The following GLIS1 variants were observed in gnomAD, a reference collection of about 807,000 sequenced individuals.
GLIS1 encodes the protein zinc finger protein GLIS1.
GLIS1 carries 24 observed loss-of-function variants against 63.8 expected under a neutral mutation model. That is an observed-to-expected ratio of 0.38 (90% CI 0.27 to 0.53). The LOEUF (loss-of-function observed/expected upper bound fraction) is 0.53, where lower values mean the gene tolerates loss of function less well. GLIS1 is among the 20% of genes least tolerant of loss of function. The probability of loss-of-function intolerance (pLI) is 0.85; values close to 1 mark genes in which losing one functional copy is unlikely to be tolerated. For missense variants in GLIS1, 1,036 were observed against 1,074.1 expected (o/e 0.96, Z 0.50); for synonymous variants, 450 against 482.5 (o/e 0.93, Z 0.88).
At chr1:53,599,546 C>A (rs1389175568) in intron 3 of GLIS1, among the ~76,000 whole-genome samples, 1 of 152,252 alleles carries the variant, frequency 6.6e-6, no homozygotes, top group East Asian at 1.9e-4. Flanking sequence ...GCCAGGTATT[C>A]TGTCAATATG....
intron 2 of GLIS1, among the ~76,000 whole-genome samples, chr1:53,623,337 A>G (rs1645565012): frequency 6.6e-6 from 1 of 152,240 alleles, no homozygotes; most frequent in Non-Finnish European, 1.5e-5. Context: ...CAGAAAAAGT[A>G]GTACCCACTG....
chr1:53,731,415 C>T (rs933619565), intron 2 of GLIS1, among the ~76,000 whole-genome samples: 2 of 152,210 alleles, frequency 1.3e-5, no homozygotes, highest in Non-Finnish European at 2.9e-5. Context: ...CCTGCAGCCT[C>T]CTGCTGCCTT....
At chr1:53,626,703 C>T (rs1645597779) in intron 2 of GLIS1, among the ~76,000 whole-genome samples, 1 of 152,222 alleles carries the variant, frequency 6.6e-6, no homozygotes, top group African/African-American at 2.4e-5. Context: ...TGCATGAATC[C>T]TGTGAGGCCC....
intron 2 of GLIS1, among the ~76,000 whole-genome samples, chr1:53,653,596 CT>C (rs1645932092): frequency 1.3e-5 from 2 of 152,228 alleles, no homozygotes; most frequent in Non-Finnish European, 2.9e-5. Flanking sequence ...CCTCTTCTTT[CT>C]TTCCTTCCCT....
chr1:53,604,613 T>C (rs1645350786), intron 2 of GLIS1, among the ~76,000 whole-genome samples: 4 of 152,178 alleles, frequency 2.6e-5, no homozygotes, highest in Admixed American at 2.0e-4. Flanking sequence ...CTTTATTGTC[T>C]ATCAGGCACT....
intron 5 of GLIS1, among the ~76,000 whole-genome samples, chr1:53,528,135 G>A (rs968201184): frequency 4.6e-5 from 7 of 152,186 alleles, no homozygotes; most frequent in Non-Finnish European, 7.3e-5. Flanking sequence ...CCTGGGCCAG[G>A]GTGCCACGGG....
chr1:53,688,031 T>C (rs1314931339), intron 2 of GLIS1, among the ~76,000 whole-genome samples: 2 of 150,790 alleles, frequency 1.3e-5, no homozygotes, highest in African/African-American at 4.8e-5. Context: ...ATCACCGTGC[T>C]GTGCTGTCGA....
chr1:53,669,527 G>A (rs907746127), intron 2 of GLIS1, among the ~76,000 whole-genome samples: 2 of 152,176 alleles, frequency 1.3e-5, no homozygotes, highest in South Asian at 4.1e-4. Context: ...ACCAAAGCTG[G>A]GTCAGACACT....
At chr1:53,546,485 G>A (rs957948838) in intron 4 of GLIS1, among the ~76,000 whole-genome samples, 1 of 152,228 alleles carries the variant, frequency 6.6e-6, no homozygotes, top group Non-Finnish European at 1.5e-5. Context: ...ACTCGCCTGT[G>A]TCCTCAGGCA....
chr1:53,707,709 G>A (rs1308553881), intron 2 of GLIS1, among the ~76,000 whole-genome samples: 4 of 151,394 alleles, frequency 2.6e-5, no homozygotes, highest in Non-Finnish European at 4.4e-5. Context: ...AGAAATGAAA[G>A]TGAGCATTTA....
At chr1:53,555,883 GGT>G (rs1280953230) in intron 4 of GLIS1, among the ~76,000 whole-genome samples, 4 of 145,676 alleles carry the variant, frequency 2.7e-5, no homozygotes, top group African/African-American at 1.0e-4. Context: ...GTGTACTGCA[GGT>G]GTGTGTGTGC....
chr1:53,700,028 C>T (rs1255978264), intron 2 of GLIS1, among the ~76,000 whole-genome samples: 1 of 152,182 alleles, frequency 6.6e-6, no homozygotes, highest in Non-Finnish European at 1.5e-5. Flanking sequence ...AGGGCTGGGA[C>T]TCAAATCCAG....
chr1:53,664,934 G>A (rs1252538286), intron 2 of GLIS1, among the ~76,000 whole-genome samples: 1 of 152,170 alleles, frequency 6.6e-6, no homozygotes, highest in Non-Finnish European at 1.5e-5. Context: ...TGAGCAAGGA[G>A]GCCTCTGTGG....
intron 2 of GLIS1, among the ~76,000 whole-genome samples, chr1:53,695,879 G>A (rs895571214): frequency 6.6e-6 from 1 of 152,248 alleles, no homozygotes; most frequent in African/African-American, 2.4e-5. Context: ...ATGTAGCCAA[G>A]ATCACTCATC....
chr1:53,668,866 C>A (rs148933076), intron 2 of GLIS1, among the ~76,000 whole-genome samples: 49 of 152,242 alleles, frequency 3.2e-4, no homozygotes, highest in African/African-American at 1.1e-3. Context: ...CAACACTGGG[C>A]AATGCATGAC....
intron 2 of GLIS1, among the ~76,000 whole-genome samples, chr1:53,644,738 A>T (rs1376603837): frequency 6.6e-6 from 1 of 152,110 alleles, no homozygotes; most frequent in African/African-American, 2.4e-5. Context: ...TAAACGGTGC[A>T]TTTGGGGGGC....
At chr1:53,552,170 G>A (rs536667814) in intron 4 of GLIS1, among the ~76,000 whole-genome samples, 6 of 151,918 alleles carry the variant, frequency 3.9e-5, no homozygotes, top group African/African-American at 9.7e-5. Flanking sequence ...CAGAAGCCCC[G>A]CCAAAGCCCA....
chr1:53,594,583 G>T lies in GLIS1; in HGVS notation c.845C>A (p.Pro282His). Residue 282 changes from proline (P) to histidine (H), a missense_variant, in exon 4 of 11, where the codon CCC becomes CAC. Coordinates refer to ENST00000628545, the MANE Select transcript of GLIS1 (RefSeq NM_001367484.1). ...LVTCVNGLRS[P>H]PLTGDLGGPS... ...GCCCCCCAGATCTCCCGTCAGAGGG[G>T]GGCTCCGGAGTCCATTTACACAGGT... 6.3e-7 allele frequency: 1 copy of T among 1,592,878 alleles called. No homozygotes were observed. The highest frequency in any genetic ancestry group is 8.6e-7 in the Non-Finnish European group (1 of 1,166,120).
At chr1:53,638,910 C>A (rs1409573433) in intron 2 of GLIS1, among the ~76,000 whole-genome samples, 2 of 152,130 alleles carry the variant, frequency 1.3e-5, no homozygotes, top group Non-Finnish European at 1.5e-5. Flanking sequence ...AGGTTTCAGA[C>A]AATCACAGTC....
Sources: allele counts gnomAD v4.1 joint callset (sites outside exome capture counted in the v4.1 genomes callset), GRCh38; gene constraint gnomAD v4.1.1; transcripts MANE v1.5; gene names NCBI Gene and HGNC (gene_info 2026-07-23, HGNC 2026-07-21).